The following CRYBA1 variants were observed in gnomAD, a reference collection of about 807,000 sequenced individuals.
CRYBA1 encodes the protein beta-crystallin A3.
CRYBA1 carries 25 observed loss-of-function variants against 36.2 expected under a neutral mutation model. The observed-to-expected ratio is 0.69, with a 90% confidence interval of 0.50 to 0.97. The LOEUF (loss-of-function observed/expected upper bound fraction) is 0.97. Among genes scored for constraint, CRYBA1 ranks in the 50% least tolerant of loss-of-function variants. CRYBA1 has a pLI of 0.00. For missense variants in CRYBA1, 224 were observed against 276.3 expected, an observed-to-expected ratio of 0.81 and a Z score of 1.34; for synonymous variants, 111 against 90.0, an observed-to-expected ratio of 1.23 and a Z score of -1.32.
In CRYBA1 at chr17:29,253,686, T is replaced by C; in HGVS notation, c.404T>C (p.Ile135Thr). Residue 135 changes from isoleucine to threonine, a missense_variant, in exon 5 of 6, where the codon ATT becomes ACT. Transcript: ENST00000225387. ...KMTIFEKENF[I>T]GRQWEISDDY... ...ACCATCTTTGAGAAGGAAAACTTTA[T>C]TGGACGCCAGTGGGAGATCTCTGAC... The C allele has an allele frequency of 3.1e-6, 5 of 1,614,080 alleles. No individual in the cohort carries two copies. The highest frequency in any genetic ancestry group is 2.2e-5 in the East Asian group (1 of 44,880).
intron 5 of CRYBA1, 70 bp downstream of exon 5, chr17:29,253,852 A>G: frequency 1.3e-6 from 2 of 1,565,236 alleles, no homozygotes; most frequent in South Asian, 2.3e-5. Flanking sequence ...GTTATGTTTT[A>G]ATCAGATTTC....
chr17:29,249,723 C>T (rs1345812507), intron 2 of CRYBA1, among the ~76,000 whole-genome samples: 1 of 152,170 alleles, frequency 6.6e-6, no homozygotes, highest in African/African-American at 2.4e-5. Context: ...GGTCCACGAG[C>T]CAGGTTTTAG....
chr17:29,249,861 T>C (rs573768312), intron 2 of CRYBA1, among the ~76,000 whole-genome samples: 27 of 152,270 alleles, frequency 1.8e-4, no homozygotes, highest in African/African-American at 6.0e-4. Flanking sequence ...CTCTGGGCCA[T>C]GCTTATGAAG....
intron 3 of CRYBA1, 34 bp from the exon 4 acceptor site, chr17:29,252,030 A>C (rs1445124740): frequency 6.2e-7 from 1 of 1,614,152 alleles, no homozygotes; most frequent in Admixed American, 1.7e-5. Flanking sequence ...ATAGGCTTTG[A>C]ACACCATGAA....
intron 1 of CRYBA1, among the ~76,000 whole-genome samples, chr17:29,247,138 G>A (rs1304939182): frequency 6.6e-6 from 1 of 152,220 alleles, no homozygotes; most frequent in Non-Finnish European, 1.5e-5. Context: ...AAACGAGCAG[G>A]GAGAAGGTAT....
chr17:29,253,715 T>C lies in CRYBA1; in HGVS notation c.433T>C (p.Tyr145His). The C allele has an allele frequency of 6.2e-7, 1 of 1,614,172 alleles. No homozygotes were observed. The highest frequency in any genetic ancestry group is 8.5e-7 in the Non-Finnish European group (1 of 1,180,004). ...IGRQWEISDD[Y>H]PSLQAMGWFN... The stretch of plus-strand genomic sequence containing the variant: ...ACGCCAGTGGGAGATCTCTGACGAC[T>C]ACCCCTCCTTGCAAGCCATGGGCTG... The change falls in exon 5 of 6, where the codon TAC becomes CAC. Residue 145 changes from tyrosine to histidine, a missense_variant. By Grantham distance (83) the Tyr-to-His change is moderately conservative. Coordinates refer to ENST00000225387, the MANE Select transcript of CRYBA1 (RefSeq NM_005208.5).
intron 1 of CRYBA1, among the ~76,000 whole-genome samples, chr17:29,247,286 C>T (rs1281212072): frequency 6.6e-6 from 1 of 152,182 alleles, no homozygotes; most frequent in Admixed American, 6.5e-5. Flanking sequence ...AAACCTAATA[C>T]ACACCTGCCT....
In CRYBA1 at chr17:29,249,281, T is replaced by G. The variant is rs2286407; in HGVS notation, c.96+75T>G. 0.12 allele frequency: 123,457 copies of G among 1,047,860 alleles called. 8,810 individuals carry two copies. Among genetic ancestry groups the G allele is most frequent in the East Asian group, 0.32 (13,308 of 42,236 alleles). 64.9% of individuals were successfully genotyped at this position (1,047,860 alleles called of 1,614,324 possible). On this transcript the variant is annotated intron_variant, in intron 2 of 5. Transcript: ENST00000225387. ...AGAGCAGGCCCCAGGCCTGTGCTCG[T>G]CCATAAGGCAGTGACTGACCAGAAA...
At chr17:29,246,982 T>C in intron 1 of CRYBA1, 88 bp downstream of exon 1, 1 of 1,400,492 alleles carries the variant, frequency 7.1e-7, no homozygotes, top group African/African-American at 1.4e-5. Flanking sequence ...TCCTGCCTAG[T>C]GTGTAGAGCC....
In CRYBA1 at chr17:29,250,276, G is replaced by A. The variant is rs186638185; in HGVS notation, c.191G>A (p.Arg64Gln). Residue 64 changes from arginine (R) to glutamine (Q), a missense_variant, in exon 3 of 6, where the codon CGG (arginine) becomes CAG (glutamine). By Grantham distance (43) the Arg-to-Gln change is conservative. Coordinates refer to ENST00000225387, the MANE Select transcript of CRYBA1 (RefSeq NM_005208.5). ...TCTGAGCGCAGTTTTGATAATGTCC[G>A]GTCCCTGAAGGTGGAAAGTGGCGCG... ...NVSERSFDNV[R>Q]SLKVESGAWI... 38 of 1,610,744 alleles carry A rather than the reference G, an allele frequency of 2.4e-5. No homozygotes were observed. The highest frequency in any genetic ancestry group is 9.3e-5 in the African/African-American group (7 of 74,942).
rs141269311 is a variant in CRYBA1 at position 29,246,863 on chromosome 17, G to A, written c.-1G>A. On this transcript the variant is annotated 5_prime_UTR_variant, in exon 1 of 6. Transcript: ENST00000225387. ...GAGGGCCACAGAGCAAGTGGTACCAGATGGAGACCCAGGCTGAGCAGCAGG... is the reference window on the plus strand; with the variant it reads ...GAGGGCCACAGAGCAAGTGGTACCAAATGGAGACCCAGGCTGAGCAGCAGG... The A allele has an allele frequency of 2.7e-5, 43 of 1,612,636 alleles. No individual in the cohort carries two copies. Among genetic ancestry groups the A allele is most frequent in the Non-Finnish European group, 3.6e-5 (42 of 1,179,740 alleles).
At chr17:29,248,866 G>A (rs1241844868) in intron 1 of CRYBA1, among the ~76,000 whole-genome samples, 3 of 151,988 alleles carry the variant, frequency 2.0e-5, no homozygotes, top group African/African-American at 7.2e-5. Flanking sequence ...TACATGGGAG[G>A]CTGAGGCGGA....
Position 29,250,183 on chromosome 17 carries a change from TA to T in CRYBA1, c.100del (p.Thr34ProfsTer33). On this transcript the variant is annotated frameshift_variant and splice_region_variant, in exon 3 of 6. Coordinates refer to ENST00000225387, the MANE Select transcript of CRYBA1 (RefSeq NM_005208.5). LOFTEE classifies it high-confidence loss of function. ...PTPGSLGPWK[I>X]TIYDQENFQG... ...TTGCGCCATTCAATCTCATTTCAGA[TA>T]ACCATCTATGATCAGGAGAACTTTC... 1 of 1,545,150 alleles carries T rather than the reference TA, an allele frequency of 6.5e-7. No individual in the cohort carries two copies. The highest frequency in any genetic ancestry group is 9.0e-7 in the Non-Finnish European group (1 of 1,117,086).
At chr17:29,248,760 A>C (rs978813265) in intron 1 of CRYBA1, among the ~76,000 whole-genome samples, 15 of 151,334 alleles carry the variant, frequency 9.9e-5, no homozygotes, top group African/African-American at 3.6e-4. Flanking sequence ...TGAGGTCAGG[A>C]GTTTGGGACC....
intron 2 of CRYBA1, 88 bp from the exon 3 acceptor site, chr17:29,250,094 A>G: frequency 1.2e-6 from 1 of 812,924 alleles, no homozygotes; most frequent in Non-Finnish European, 2.2e-6. Context: ...AACAGAAAGC[A>G]CAGAGTCAGA....
chr17:29,250,440 T>C lies in CRYBA1; in HGVS notation c.215+140T>C, dbSNP rs2153009523. On this transcript the variant is annotated intron_variant, in intron 3 of 5. Coordinates refer to ENST00000225387, the MANE Select transcript of CRYBA1 (RefSeq NM_005208.5). Reference sequence around the variant, plus strand: ...GGAGACAGGCCTCGAAAGAAATCACTACATGCATAATTTAGTAAGCCAAAG... The same window carrying C: ...GGAGACAGGCCTCGAAAGAAATCACCACATGCATAATTTAGTAAGCCAAAG... 3.3e-5 allele frequency: 24 copies of C among 728,866 alleles called. 1 individual carries two copies. Among genetic ancestry groups the C allele is most frequent in the South Asian group, 3.3e-4 (23 of 70,594 alleles). The allele number at this position is 728,866 out of a possible 1,614,324, so 45.1% of individuals were successfully genotyped here. A position where few individuals can be genotyped will look rare whatever the true frequency, so the allele number is the denominator to read the frequency against.
At chr17:29,253,318 TA>T (rs2068947401) in intron 4 of CRYBA1, among the ~76,000 whole-genome samples, 1 of 152,262 alleles carries the variant, frequency 6.6e-6, no homozygotes. Context: ...CTTTTTGTAA[TA>T]ATCTGTGAGA....
rs76952595 is a variant in CRYBA1 at position 29,249,750 on chromosome 17, G to T, written c.97-432G>T. On this transcript the variant is annotated intron_variant, in intron 2 of 5. Transcript: ENST00000225387. ...AGGTTTTAGTTCAATGTACAAAAAG[G>T]GTTGACCATAACTCTCCTTTACACT... is the stretch of plus-strand genomic sequence containing the variant. 2.2e-4 allele frequency among the ~76,000 whole-genome samples: 34 copies of T among 152,122 alleles called. No homozygotes were observed. The East Asian group carries it at 2.3e-3, about 10-fold the overall frequency.
intron 3 of CRYBA1, 78 bp from the exon 4 acceptor site, chr17:29,251,986 T>C (rs1401846918): frequency 2.5e-6 from 4 of 1,596,036 alleles, no homozygotes; most frequent in Admixed American, 1.7e-5. Flanking sequence ...TATTGACTTA[T>C]CTAAAACGAA....
Sources: gnomAD v4.1 joint callset for allele counts (sites outside exome capture counted in the v4.1 genomes callset) on GRCh38, gnomAD v4.1.1 for gene constraint, MANE v1.5 for transcripts, NCBI Gene and HGNC (gene_info 2026-07-23, HGNC 2026-07-21) for gene names.